Variants in ENOX1 observed in about 807,000 individuals in gnomAD.
ENOX1 encodes the protein ecto-NOX disulfide-thiol exchanger 1.
ENOX1 carries 42 observed loss-of-function variants against 82.5 expected under a neutral mutation model. That is an observed-to-expected ratio of 0.51 (90% CI 0.40 to 0.66). The LOEUF is 0.66. Ranked by LOEUF, ENOX1 falls within the 30% of genes least tolerant of loss-of-function variation. The pLI, the probability that ENOX1 is intolerant of heterozygous loss-of-function variation, is 0.00. For missense variants in ENOX1, 608 were observed against 811.6 expected, an observed-to-expected ratio of 0.75 and a Z score of 3.05; for synonymous variants, 271 against 282.2, an observed-to-expected ratio of 0.96 and a Z score of 0.40.
chr13:43,680,982 G>A (rs781504082), intron 1 of ENOX1, among the ~76,000 whole-genome samples: 1 of 152,048 alleles, frequency 6.6e-6, no homozygotes, highest in Non-Finnish European at 1.5e-5. Flanking sequence ...AACATGAAAG[G>A]AGAGAAAGAG....
At chr13:43,438,992 T>C (rs1235529420) in intron 3 of ENOX1, among the ~76,000 whole-genome samples, 1 of 151,974 alleles carries the variant, frequency 6.6e-6, no homozygotes, top group Non-Finnish European at 1.5e-5. Context: ...TGCTCAACAG[T>C]GTATTATTGT....
At chr13:43,220,811 G>A (rs546203350) in intron 16 of ENOX1, among the ~76,000 whole-genome samples, 17 of 152,254 alleles carry the variant, frequency 1.1e-4, no homozygotes, top group African/African-American at 4.1e-4. Flanking sequence ...CTGCTCTTAA[G>A]GAGAACCCCA....
At chr13:43,494,383 A>G (rs937661053) in intron 2 of ENOX1, among the ~76,000 whole-genome samples, 31 of 152,202 alleles carry the variant, frequency 2.0e-4, no homozygotes, top group African/African-American at 7.5e-4. Context: ...TCATGTTTGC[A>G]AACAAATATT....
In ENOX1 at chr13:43,756,969, C is replaced by CA. The variant is rs1408849152; in HGVS notation, c.-285+29682dup. On this transcript the variant is annotated intron_variant, in intron 1 of 16. Transcript: ENST00000690772. The stretch of plus-strand genomic sequence containing the variant: ...TGTGTCTCAACAACAACAAAAACAA[C>CA]AACAAAAAAAAAAAAAAAAAAAAAA... Among the ~76,000 whole-genome samples, 68 of 41,450 alleles carry CA rather than the reference C, an allele frequency of 1.6e-3. 2 individuals are homozygous for CA. The highest frequency in any genetic ancestry group is 4.1e-3 in the African/African-American group (47 of 11,356). 27.2% of individuals were successfully genotyped at this position (41,450 alleles called of 152,430 possible). A position where few individuals can be genotyped will look rare whatever the true frequency, so the allele number is the denominator to read the frequency against.
chr13:43,565,759 T>C (rs1197521493), intron 2 of ENOX1, among the ~76,000 whole-genome samples: 1 of 152,182 alleles, frequency 6.6e-6, no homozygotes, highest in East Asian at 1.9e-4. Context: ...AAGGGTGAGC[T>C]ATGTATAAAT....
intron 2 of ENOX1, among the ~76,000 whole-genome samples, chr13:43,561,652 T>C (rs2079675433): frequency 6.6e-6 from 1 of 152,104 alleles, no homozygotes; most frequent in South Asian, 2.1e-4. Context: ...TAAGTATTAG[T>C]ACTACATAAC....
chr13:43,706,903 G>GATATATATATATAT (rs141537630), intron 1 of ENOX1, among the ~76,000 whole-genome samples: 9 of 149,294 alleles, frequency 6.0e-5, no homozygotes, highest in Admixed American at 1.3e-4. Flanking sequence ...AGGCAAGAAA[G>GATATATATATATAT]ATATATATAT....
rs553504525 is a variant in ENOX1, at chr13:43,541,173, G to GTT, written c.-218-57023_-218-57022dup. On this transcript the variant is annotated intron_variant, in intron 2 of 16. Coordinates refer to ENST00000690772, the MANE Select transcript of ENOX1 (RefSeq NM_001347969.2). ...CTCCAACCTTACACTTCTTCCCTCT[G>GTT]TTTTTTTTTTTTTTTTTTTTTTTTT... is the stretch of plus-strand genomic sequence containing the variant. Among the ~76,000 whole-genome samples the GTT allele has an allele frequency of 5.1e-4, 33 of 64,580 alleles. 6 individuals carry two copies. The highest frequency in any genetic ancestry group is 9.4e-4 in the African/African-American group (19 of 20,122). The allele number at this position is 64,580 out of a possible 152,430, so 42.4% of individuals were successfully genotyped here.
chr13:43,695,702 C>T (rs1301315669), intron 1 of ENOX1, among the ~76,000 whole-genome samples: 1 of 152,154 alleles, frequency 6.6e-6, no homozygotes, highest in Non-Finnish European at 1.5e-5. Context: ...CCCGCCTCAG[C>T]CTTCCAAAGT....
intron 2 of ENOX1, among the ~76,000 whole-genome samples, chr13:43,627,248 C>G (rs550259254): frequency 6.6e-6 from 1 of 151,920 alleles, no homozygotes; most frequent in Non-Finnish European, 1.5e-5. Context: ...CCGTCTTGAT[C>G]GTTTTAGACT....
At chr13:43,554,973 G>A (rs1034983786) in intron 2 of ENOX1, among the ~76,000 whole-genome samples, 14 of 152,254 alleles carry the variant, frequency 9.2e-5, no homozygotes, top group Admixed American at 3.3e-4. Context: ...TATCTTGGAT[G>A]AGAATACTTT....
At chr13:43,411,893 T>C (rs1234604012) in intron 5 of ENOX1, 23 bp downstream of exon 5, 2 of 1,613,808 alleles carry the variant, frequency 1.2e-6, no homozygotes, top group Non-Finnish European at 1.7e-6. Context: ...TGCAAGCATC[T>C]CTGAAACCAG....
intron 12 of ENOX1, among the ~76,000 whole-genome samples, chr13:43,285,474 T>G (rs2045638390): frequency 6.6e-6 from 1 of 152,132 alleles, no homozygotes; most frequent in Non-Finnish European, 1.5e-5. Flanking sequence ...AAACAAAAAT[T>G]TAAATGACAA....
intron 1 of ENOX1, among the ~76,000 whole-genome samples, chr13:43,682,479 T>C (rs1566762297): frequency 6.6e-6 from 1 of 152,216 alleles, no homozygotes; most frequent in Non-Finnish European, 1.5e-5. Flanking sequence ...ACTACTACTA[T>C]GTGTTTTGTT....
chr13:43,719,302 T>TACACACAC (rs3024232), intron 1 of ENOX1, among the ~76,000 whole-genome samples: 6,362 of 126,654 alleles, frequency 0.05, 205 homozygotes, highest in Middle Eastern at 0.075. Context: ...TTCATTCAAA[T>TACACACAC]ACACACACAC....
chr13:43,470,387 C>CGTGTATATAT (rs1593365864), intron 3 of ENOX1, among the ~76,000 whole-genome samples: 1 of 51,500 alleles, frequency 1.9e-5, no homozygotes, highest in African/African-American at 7.4e-5. Context: ...CATATATATA[C>CGTGTATATAT]GTATATATAT....
chr13:43,660,504 T>C (rs992946140), intron 2 of ENOX1, among the ~76,000 whole-genome samples: 1 of 152,174 alleles, frequency 6.6e-6, no homozygotes, highest in African/African-American at 2.4e-5. Context: ...AAAATAGCAA[T>C]TTTTGGATTT....
At chr13:43,450,555 T>C (rs1252467498) in intron 3 of ENOX1, among the ~76,000 whole-genome samples, 3 of 152,084 alleles carry the variant, frequency 2.0e-5, no homozygotes, top group African/African-American at 4.8e-5. Flanking sequence ...GCCTTTATTA[T>C]GGTTTCCATG....
chr13:43,407,295 A>C (rs1210259593), intron 5 of ENOX1, among the ~76,000 whole-genome samples: 1 of 152,244 alleles, frequency 6.6e-6, no homozygotes, highest in African/African-American at 2.4e-5. Context: ...TGTTCAGCAC[A>C]AACATAAACA....
Sources: gnomAD v4.1 joint callset for allele counts (sites outside exome capture counted in the v4.1 genomes callset) on GRCh38, gnomAD v4.1.1 for gene constraint, MANE v1.5 for transcripts, NCBI Gene and HGNC (gene_info 2026-07-23, HGNC 2026-07-21) for gene names.